DNAH2: variants seen among roughly 807,000 people sequenced by gnomAD.
The protein encoded by DNAH2 is dynein axonemal heavy chain 2.
DNAH2 carries 323 observed loss-of-function variants against 523.5 expected under a neutral mutation model. The ratio of observed to expected loss-of-function variants is 0.62; its 90% CI spans 0.56 to 0.68. The LOEUF is 0.68. DNAH2 is among the 30% of genes least tolerant of loss of function. The pLI, the probability that DNAH2 is intolerant of heterozygous loss-of-function variation, is 0.00. For missense variants in DNAH2, 4,907 were observed against 5,701.5 expected, an observed-to-expected ratio of 0.86 and a Z score of 4.49; for synonymous variants, 2,093 against 2,177.4, an observed-to-expected ratio of 0.96 and a Z score of 1.08.
At chr17:7,776,457 C>A (rs1210245794) in intron 31 of DNAH2, among the ~76,000 whole-genome samples, 1 of 151,902 alleles carries the variant, frequency 6.6e-6, no homozygotes, top group Non-Finnish European at 1.5e-5. Flanking sequence ...CAAAGCAAGA[C>A]TCTGTCTAAA....
intron 63 of DNAH2, among the ~76,000 whole-genome samples, chr17:7,814,611 C>G (rs1022512718): frequency 6.6e-6 from 1 of 152,200 alleles, no homozygotes; most frequent in Non-Finnish European, 1.5e-5. Flanking sequence ...TGGTGGCTCA[C>G]GCCTGTAATC....
At chr17:7,800,313 A>C (rs776999319) in intron 56 of DNAH2, among the ~76,000 whole-genome samples, 1 of 152,098 alleles carries the variant, frequency 6.6e-6, no homozygotes, top group Non-Finnish European at 1.5e-5. Flanking sequence ...GGCATCCCAA[A>C]GTGCTGGGAT....
intron 22 of DNAH2, 41 bp downstream of exon 22, chr17:7,766,522 G>T (rs752866045): frequency 8.2e-5 from 131 of 1,602,200 alleles, no homozygotes; most frequent in Non-Finnish European, 1.1e-4. Flanking sequence ...CTGTCGATAA[G>T]GGGCAGGGAC....
intron 13 of DNAH2, among the ~76,000 whole-genome samples, chr17:7,757,920 C>G (rs1010462124): frequency 2.0e-5 from 3 of 152,246 alleles, no homozygotes; most frequent in Admixed American, 2.0e-4. Flanking sequence ...CATGAGGGCT[C>G]CACCTTCATG....
chr17:7,766,305 G>A lies in DNAH2; in HGVS notation c.3512-13G>A, dbSNP rs201158295. On this transcript the variant is annotated splice_polypyrimidine_tract_variant and intron_variant, in intron 21 of 85. Coordinates refer to ENST00000572933, the MANE Select transcript of DNAH2 (RefSeq NM_020877.5). ...TGAGCGGGAAGCTGAGCTTCATCCT[G>A]AATCCTCCACAGGCCATTTCACCAG... is the stretch of plus-strand genomic sequence containing the variant. 1.2e-6 allele frequency: 2 copies of A among 1,609,696 alleles called. No individual in the cohort carries two copies. The highest frequency in any genetic ancestry group is 2.7e-5 in the African/African-American group (2 of 74,946).
chr17:7,754,273 T>C lies in DNAH2; in HGVS notation c.1905-2818T>C, dbSNP rs759804919. The C allele has an allele frequency of 9.5e-5, 28 of 295,690 alleles. No homozygotes were observed. Among genetic ancestry groups the C allele is most frequent in the Non-Finnish European group, 1.6e-4 (26 of 162,274 alleles). 18.3% of individuals were successfully genotyped at this position (295,690 alleles called of 1,614,324 possible). On this transcript the variant is annotated intron_variant, in intron 12 of 85. Coordinates refer to ENST00000572933, the MANE Select transcript of DNAH2 (RefSeq NM_020877.5). The surrounding 1 kb of genome is among the most constrained non-coding windows in gnomAD (Gnocchi z 4.6). ...AACTTAAATGATGGGAAGGAACTAG[T>C]AGATTGAAGGTATAGGAGAGCTGGA...
At chr17:7,769,724 T>C (rs188757833) in intron 24 of DNAH2, among the ~76,000 whole-genome samples, 7 of 152,354 alleles carry the variant, frequency 4.6e-5, no homozygotes, top group Admixed American at 4.6e-4. Context: ...GTAATTTTTA[T>C]AAATGGTGTT....
intron 12 of DNAH2, among the ~76,000 whole-genome samples, chr17:7,753,862 C>G (rs2075760339): frequency 6.6e-6 from 1 of 152,110 alleles, no homozygotes; most frequent in South Asian, 2.1e-4. Flanking sequence ...GCAGGAGAAT[C>G]ACTTAAACCG....
Position 7,832,128 on chromosome 17 carries a change from T to C in DNAH2, c.12726+353T>C, listed in dbSNP as rs2078192700. Among the ~76,000 whole-genome samples the C allele has an allele frequency of 6.6e-6, 1 of 152,194 alleles. No individual in the cohort carries two copies. Among genetic ancestry groups the C allele is most frequent in the Non-Finnish European group, 1.5e-5 (1 of 68,032 alleles). On this transcript the variant is annotated intron_variant, in intron 82 of 85. Transcript: ENST00000572933. The surrounding 1 kb of genome is among the most constrained non-coding windows in gnomAD (Gnocchi z 4.3). ...TCGTTGTATGCCTCTTTCCTAGAAG[T>C]TGGCTTTGGAGAGCTTTGTTCACCT... is the stretch of plus-strand genomic sequence containing the variant.
chr17:7,757,053 G>C, intron 12 of DNAH2, 38 bp from the exon 13 acceptor site: 2 of 1,612,252 alleles, frequency 1.2e-6, no homozygotes, highest in Non-Finnish European at 1.7e-6. Context: ...TTATCCCCTC[G>C]TGCGGTCCCC....
chr17:7,764,191 T>C lies in DNAH2; in HGVS notation c.3254T>C (p.Leu1085Ser), dbSNP rs1228772812. 1.2e-6 allele frequency: 2 copies of C among 1,614,166 alleles called. No homozygotes were observed. The highest frequency in any genetic ancestry group is 1.7e-6 in the Non-Finnish European group (2 of 1,180,016). ...CTCGTGGATGCCCTGAAGCACGACT[T>C]GGCCAACGTGGAGACTCAGATCCCT... The part of the protein sequence containing the change: ...LQLVDALKHD[L>S]ANVETQIPPI... The change falls in exon 20 of 86, where the codon TTG becomes TCG. Residue 1085 changes from leucine to serine, a missense_variant. Physicochemically the swap from Leu to Ser is moderately radical, Grantham distance 145. Coordinates refer to ENST00000572933, the MANE Select transcript of DNAH2 (RefSeq NM_020877.5).
intron 50 of DNAH2, 55 bp from the exon 51 acceptor site, chr17:7,797,121 A>AC: frequency 7.2e-7 from 1 of 1,393,924 alleles, no homozygotes; most frequent in Non-Finnish European, 9.9e-7. Context: ...AAAAAAAAAA[A>AC]CTTCTGGAGG....
At chr17:7,741,909 C>T (rs1282937568) in intron 11 of DNAH2, among the ~76,000 whole-genome samples, 6 of 151,756 alleles carry the variant, frequency 4.0e-5, no homozygotes, top group African/African-American at 1.5e-4. Flanking sequence ...GTGATCCACC[C>T]ACCTTGGCCT....
chr17:7,766,301 T>C lies in DNAH2; in HGVS notation c.3512-17T>C. On this transcript the variant is annotated splice_polypyrimidine_tract_variant and intron_variant, in intron 21 of 85. Coordinates refer to ENST00000572933, the MANE Select transcript of DNAH2 (RefSeq NM_020877.5). ...GACGTGAGCGGGAAGCTGAGCTTCA[T>C]CCTGAATCCTCCACAGGCCATTTCA... is the stretch of plus-strand genomic sequence containing the variant. The C allele has an allele frequency of 7.5e-6, 12 of 1,609,314 alleles. No homozygotes were observed. The highest frequency in any genetic ancestry group is 1.0e-5 in the Non-Finnish European group (12 of 1,176,224).
chr17:7,830,169 T>C, intron 77 of DNAH2, 131 bp from the exon 78 acceptor site: 2 of 911,878 alleles, frequency 2.2e-6, no homozygotes, highest in Non-Finnish European at 3.2e-6. Context: ...ACGGCTACAT[T>C]TCAGCCTCCA....
Position 7,818,035 on chromosome 17 carries a change from C to T in DNAH2, c.10326C>T (p.Asn3442=), listed in dbSNP as rs758800240. Residue 3442 remains asparagine (N), a synonymous_variant, in exon 68 of 86, where the codon AAC becomes AAT. Coordinates refer to ENST00000572933, the MANE Select transcript of DNAH2 (RefSeq NM_020877.5). ...TTGGATACCCGGTGCTACTTCAGAACGTGCAGGAATATCTGGACCCCACAC... is the reference window on the plus strand; with the variant it reads ...TTGGATACCCGGTGCTACTTCAGAATGTGCAGGAATATCTGGACCCCACAC... ...IHFGYPVLLQ[N]VQEYLDPTLN... The T allele has an allele frequency of 2.9e-5, 46 of 1,613,922 alleles. No individual in the cohort carries two copies. The highest frequency in any genetic ancestry group is 1.2e-4 in the Admixed American group (7 of 59,998).
At position 7,823,974 on chromosome 17, in the gene DNAH2, A is replaced by G. The variant is rs1283407876; in HGVS notation, c.11470A>G (p.Met3824Val). The change falls in exon 75 of 86, where the codon ATG (methionine) becomes GTG (valine). Residue 3824 changes from methionine to valine, a missense_variant. By Grantham distance (21) the Met-to-Val change is conservative (BLOSUM62 1). Coordinates refer to ENST00000572933, the MANE Select transcript of DNAH2 (RefSeq NM_020877.5). ...CTTCATCGAGCCGCCTGTGCTGAAT[A>G]TGAAGTCGGTCGGTGGCTCGGCTTC... The part of the protein sequence containing the change: ...SRFIEPPVLN[M>V]KSVLEDSTPR... 1.9e-6 allele frequency: 3 copies of G among 1,612,742 alleles called. No individual in the cohort carries two copies. Among genetic ancestry groups the G allele is most frequent in the Non-Finnish European group, 1.7e-6 (2 of 1,179,458 alleles).
Position 7,830,447 on chromosome 17 carries a change from C to G in DNAH2, c.12001C>G (p.Leu4001Val). 1 of 1,614,220 alleles carries G rather than the reference C, an allele frequency of 6.2e-7. No individual in the cohort carries two copies. The highest frequency in any genetic ancestry group is 8.5e-7 in the Non-Finnish European group (1 of 1,180,048). The change falls in exon 78 of 86, where the codon CTT (leucine) becomes GTT (valine). Residue 4001 changes from leucine (L) to valine (V), a missense_variant. Physicochemically the swap from Leu to Val is conservative, Grantham distance 32. This residue lies in a region of DNAH2 where 1,851 missense variants were observed against 2,139.4 expected (regional missense o/e 0.87). Transcript: ENST00000572933. The stretch of plus-strand genomic sequence containing the variant: ...ACTTGAACGCAAAAAGTTCCTGCAG[C>G]TTGGCTGGAACATCATCTATGGCTT... ...VLLERKKFLQ[L>V]GWNIIYGFND... is the part of the protein sequence containing the mutation.
chr17:7,798,274 C>T lies in DNAH2; in HGVS notation c.8348C>T (p.Thr2783Ile), dbSNP rs2077123282. 2 of 1,613,782 alleles carry T rather than the reference C, an allele frequency of 1.2e-6. No homozygotes were observed. The highest frequency in any genetic ancestry group is 1.7e-6 in the Non-Finnish European group (2 of 1,179,716). Reference protein sequence around the residue: ...RLASSICDYTTFQIEVTKHYR... With the variant: ...RLASSICDYTIFQIEVTKHYR... Reference sequence around the variant, plus strand: ...GCTTCATCCATCTGCGACTACACCACCTTCCAGATCGAGGTCACCAAACAT... The same window carrying T: ...GCTTCATCCATCTGCGACTACACCATCTTCCAGATCGAGGTCACCAAACAT... The change falls in exon 54 of 86, where the codon ACC becomes ATC. Residue 2783 changes from threonine (T) to isoleucine (I), a missense_variant. Coordinates refer to ENST00000572933, the MANE Select transcript of DNAH2 (RefSeq NM_020877.5). This position sits in a 1 kb window ranked among gnomAD's most constrained non-coding sequence, Gnocchi z 5.5.
Sources: allele counts gnomAD v4.1 joint callset (sites outside exome capture counted in the v4.1 genomes callset), GRCh38; gene constraint gnomAD v4.1.1; regional missense constraint gnomAD v4.1.1; non-coding constraint Gnocchi (gnomAD v3.1); transcripts MANE v1.5; gene names NCBI Gene and HGNC (gene_info 2026-07-23, HGNC 2026-07-21).